The following PHGDH variants were observed in gnomAD, a reference collection of about 807,000 sequenced individuals.
PHGDH encodes the protein D-3-phosphoglycerate dehydrogenase.
In PHGDH, 50 loss-of-function variants were observed where a neutral mutation model predicts 52.6. The observed-to-expected ratio is 0.95, with a 90% CI of 0.76 to 1.20. The LOEUF is 1.20. Ranked by LOEUF, PHGDH falls within the 50% of genes most tolerant of loss-of-function variation. PHGDH has a pLI of 0.00. For synonymous variants in PHGDH, 271 were observed against 280.5 expected (o/e 0.97, Z 0.34); for missense variants, 630 against 684.6 (o/e 0.92, Z 0.89).
At chr1:119,712,828 C>G (rs1352832374) in intron 1 of PHGDH, among the ~76,000 whole-genome samples, 1 of 152,206 alleles carries the variant, frequency 6.6e-6, no homozygotes, top group East Asian at 1.9e-4. Context: ...TTTCGCCGCC[C>G]CTCTGCCTCC....
chr1:119,721,442 G>A (rs1191915237), intron 2 of PHGDH, 121 bp downstream of exon 2: 1 of 985,264 alleles, frequency 1.0e-6, no homozygotes, highest in Non-Finnish European at 1.5e-6. Flanking sequence ...CTTCCAGGAG[G>A]ATGCCTGGTC....
intron 3 of PHGDH, among the ~76,000 whole-genome samples, chr1:119,726,179 AGTGTGTGTGTGTGTGTGTGT>A (rs55671458): frequency 7.6e-6 from 1 of 131,174 alleles, no homozygotes; most frequent in East Asian, 2.3e-4. Flanking sequence ...GGCTGTGAAG[AGTGTGTGTGTGTGTGTGTGT>A]GTGTGTGTGT....
At chr1:119,739,605 C>T (rs1241235191) in intron 8 of PHGDH, 1 of 152,162 alleles carries the variant, frequency 6.6e-6, no homozygotes, top group African/African-American at 2.4e-5. Context: ...CTAATTACAT[C>T]TTGTAGCTGC....
At chr1:119,733,161 C>G (rs1651776423) in intron 5 of PHGDH, among the ~76,000 whole-genome samples, 1 of 152,128 alleles carries the variant, frequency 6.6e-6, no homozygotes, top group African/African-American at 2.4e-5. Context: ...GGAGAGGCAG[C>G]ATCTTTCCCC....
In PHGDH at chr1:119,733,562, C is replaced by T. The variant is rs144270390; in HGVS notation, c.511-1072C>T. ...TGTTTCTCCAGCTAGTCTCTGACTC[C>T]TGGGGTCAAATGATCCTCCTGCCTC... On this transcript the variant is annotated intron_variant, in intron 5 of 11. Transcript: ENST00000641023. Among the ~76,000 whole-genome samples the T allele has an allele frequency of 9.0e-3, 1,364 of 151,784 alleles. 24 individuals are homozygous for T. The highest frequency in any genetic ancestry group is 0.031 in the African/African-American group (1,283 of 41,310).
rs1340812275 is a variant in PHGDH at position 119,743,027 on chromosome 1, T to C, written c.1430T>C (p.Met477Thr). 6.2e-7 allele frequency: 1 copy of C among 1,610,482 alleles called. No individual in the cohort carries two copies. The highest frequency in any genetic ancestry group is 1.3e-5 in the African/African-American group (1 of 74,990). ...LFRTQTSDPA[M>T]LPTMIGLLAE... ...CGGACTCAGACCTCTGACCCTGCAATGCTGCCTACCATGATTGGTGAGGAG... is the reference window on the plus strand; with the variant it reads ...CGGACTCAGACCTCTGACCCTGCAACGCTGCCTACCATGATTGGTGAGGAG... Residue 477 changes from methionine (M) to threonine (T), a missense_variant, in exon 11 of 12, where the codon ATG becomes ACG. Physicochemically the swap from Met to Thr is moderately conservative, Grantham distance 81. Transcript: ENST00000641023.
Position 119,742,870 on chromosome 1 carries a change from G to T in PHGDH, c.1273G>T (p.Val425Leu). The change falls in exon 11 of 12, where the codon GTG becomes TTG. Residue 425 changes from valine to leucine, a missense_variant. By Grantham distance (32) the Val-to-Leu change is conservative. Transcript: ENST00000641023. ...EQGFGECLLA[V>L]ALAGAPYQAV... The stretch of plus-strand genomic sequence containing the variant: ...AGGCTTCGGGGAATGCCTCCTGGCC[G>T]TGGCCCTGGCAGGCGCCCCTTACCA... The T allele has an allele frequency of 6.2e-7, 1 of 1,613,942 alleles. No individual in the cohort carries two copies. Among genetic ancestry groups the T allele is most frequent in the East Asian group, 2.2e-5 (1 of 44,874 alleles).
intron 5 of PHGDH, among the ~76,000 whole-genome samples, chr1:119,732,519 C>T (rs1400956760): frequency 6.6e-6 from 1 of 152,222 alleles, no homozygotes; most frequent in Non-Finnish European, 1.5e-5. Context: ...GGCCTGTTGT[C>T]ACCCTTTCCA....
chr1:119,717,756 A>T (rs1211201717), intron 1 of PHGDH, among the ~76,000 whole-genome samples: 2 of 151,988 alleles, frequency 1.3e-5, no homozygotes, highest in African/African-American at 4.8e-5. Flanking sequence ...GCTTTTTTTC[A>T]ACTTCTTTTA....
intron 5 of PHGDH, among the ~76,000 whole-genome samples, chr1:119,727,980 A>G (rs935585763): frequency 6.6e-6 from 1 of 152,228 alleles, no homozygotes; most frequent in African/African-American, 2.4e-5. Context: ...CTCTGGGTGC[A>G]CATGAGTAGT....
intron 2 of PHGDH, 36 bp downstream of exon 2, chr1:119,721,357 G>C (rs373675801): frequency 6.8e-6 from 11 of 1,606,286 alleles, no homozygotes; most frequent in East Asian, 2.2e-5. Flanking sequence ...TTGGGGGTAG[G>C]GGGGTGAGTG....
At chr1:119,718,275 T>C in intron 1 of PHGDH, among the ~76,000 whole-genome samples, 1 of 152,258 alleles carries the variant, frequency 6.6e-6, no homozygotes. Flanking sequence ...ATATCCTAGC[T>C]ATGTGACTTC....
chr1:119,735,061 A>G lies in PHGDH; in HGVS notation c.644-234A>G, dbSNP rs1651871788. The G allele has an allele frequency of 7.7e-6, 5 of 646,362 alleles. No individual in the cohort carries two copies. In the Admixed American group the frequency reaches 1.4e-4, roughly 18 times the overall value. 40.0% of individuals were successfully genotyped at this position (646,362 alleles called of 1,614,324 possible). On this transcript the variant is annotated intron_variant, in intron 6 of 11. Transcript: ENST00000641023. ...ATTCCCAGACCCACTTGAAACAGTAATATCTCAAGAATTTCTAAGATGTTT... is the reference window on the plus strand; with the variant it reads ...ATTCCCAGACCCACTTGAAACAGTAGTATCTCAAGAATTTCTAAGATGTTT...
Position 119,733,342 on chromosome 1 carries a change from TTA to T in PHGDH, c.511-1290_511-1289del, listed in dbSNP as rs1253351036. Among the ~76,000 whole-genome samples the T allele has an allele frequency of 6.3e-3, 938 of 148,396 alleles. 12 individuals carry two copies. The highest frequency in any genetic ancestry group is 0.023 in the African/African-American group (900 of 39,304). On this transcript the variant is annotated intron_variant, in intron 5 of 11. Transcript: ENST00000641023. ...CTATTACGTTCTTTTTTATTTTGTT[TTA>T]TTTTTTTTTTTTTTTCTGAGACATC... is the stretch of plus-strand genomic sequence containing the variant.
At chr1:119,733,518 AGGG>A (rs34338933) in intron 5 of PHGDH, among the ~76,000 whole-genome samples, 1 of 133,296 alleles carries the variant, frequency 7.5e-6, no homozygotes, top group Non-Finnish European at 1.6e-5. Context: ...AATTTTTTGT[AGGG>A]GGGGGGGTCT....
chr1:119,736,555 G>T (rs1651942946), intron 7 of PHGDH, among the ~76,000 whole-genome samples: 2 of 152,320 alleles, frequency 1.3e-5, no homozygotes, highest in Non-Finnish European at 2.9e-5. Flanking sequence ...TGGAGGGTGG[G>T]GTGGAGGTGC....
At position 119,741,914 on chromosome 1, in the gene PHGDH, C is replaced by T. The variant is rs587674701; in HGVS notation, c.1209+17C>T. 6.5e-5 allele frequency: 105 copies of T among 1,607,978 alleles called. 3 individuals carry two copies. The South Asian group carries it at 9.9e-4, about 15-fold the overall frequency. ...GGCCTCAATGTGCGCCCCTCTCCCC[C>T]ACGCTGCCTCCCCATCCCTGTCAGC... On this transcript the variant is annotated intron_variant, in intron 10 of 11. Coordinates refer to ENST00000641023, the MANE Select transcript of PHGDH (RefSeq NM_006623.4).
At chr1:119,718,809 A>G (rs1032926586) in intron 1 of PHGDH, among the ~76,000 whole-genome samples, 1 of 152,366 alleles carries the variant, frequency 6.6e-6, no homozygotes, top group East Asian at 1.9e-4. Context: ...AAGTTTTAAT[A>G]TAAAATCCCT....
At chr1:119,743,753 C>T in intron 11 of PHGDH, 133 bp from the exon 12 acceptor site, 1 of 784,716 alleles carries the variant, frequency 1.3e-6, no homozygotes, top group South Asian at 1.4e-5. Flanking sequence ...CATCTCAGCT[C>T]TTTGATTCTG....
Sources: gnomAD v4.1 joint callset for allele counts (sites outside exome capture counted in the v4.1 genomes callset) on GRCh38, gnomAD v4.1.1 for gene constraint, MANE v1.5 for transcripts, NCBI Gene and HGNC (gene_info 2026-07-23, HGNC 2026-07-21) for gene names.